Variants in CSMD1 observed in about 807,000 individuals in gnomAD.
The protein encoded by CSMD1 is CUB and Sushi multiple domains 1, also known as CUB and sushi domain-containing protein 1.
CSMD1 carries 213 observed loss-of-function variants against 417.5 expected under a neutral mutation model. The observed-to-expected ratio is 0.51, with a 90% CI of 0.46 to 0.57. The LOEUF is 0.57. CSMD1 is among the 20% of genes least tolerant of loss of function. The pLI is 0.00. For synonymous variants in CSMD1, 2,862 were observed against 1,736.8 expected, an observed-to-expected ratio of 1.65 and a Z score of -16.11; for missense variants, 6,923 against 4,529.7, an observed-to-expected ratio of 1.53 and a Z score of -15.17.
intron 5 of CSMD1, among the ~76,000 whole-genome samples, chr8:3,798,088 G>C (rs989246222): frequency 1.3e-5 from 2 of 151,866 alleles, no homozygotes; most frequent in Non-Finnish European, 2.9e-5. Flanking sequence ...GATGATTGAA[G>C]TCTTAGTGGG....
intron 3 of CSMD1, among the ~76,000 whole-genome samples, chr8:4,410,719 G>A (rs1253124820): frequency 1.3e-5 from 2 of 152,154 alleles, no homozygotes; most frequent in Non-Finnish European, 2.9e-5. Flanking sequence ...AGAGAAGTAT[G>A]TACAGAAGAT....
chr8:4,576,438 T>G (rs1053934284), intron 2 of CSMD1, among the ~76,000 whole-genome samples: 10 of 152,212 alleles, frequency 6.6e-5, no homozygotes, highest in East Asian at 5.8e-4. Flanking sequence ...CCTCTTACAG[T>G]TTTTCCTTAA....
chr8:4,501,197 C>T (rs138393967), intron 2 of CSMD1, among the ~76,000 whole-genome samples: 42 of 152,052 alleles, frequency 2.8e-4, no homozygotes, highest in African/African-American at 9.9e-4. Flanking sequence ...TATATATACA[C>T]ATATATATTA....
intron 3 of CSMD1, among the ~76,000 whole-genome samples, chr8:4,139,538 A>C (rs1270698348): frequency 6.6e-6 from 1 of 151,000 alleles, no homozygotes; most frequent in Non-Finnish European, 1.5e-5. Flanking sequence ...AGTGGCACTC[A>C]TCCTGCACGA....
At chr8:4,461,064 G>C (rs1799786428) in intron 2 of CSMD1, among the ~76,000 whole-genome samples, 1 of 150,592 alleles carries the variant, frequency 6.6e-6, no homozygotes, top group Non-Finnish European at 1.5e-5. Context: ...TATATACTGT[G>C]TCCAAGTGCT....
At chr8:4,942,895 G>C (rs1808107625) in intron 1 of CSMD1, among the ~76,000 whole-genome samples, 1 of 152,216 alleles carries the variant, frequency 6.6e-6, no homozygotes, top group Non-Finnish European at 1.5e-5. Context: ...TTTTTGGAAA[G>C]ATATAAACAT....
At chr8:4,374,922 G>A (rs1554450631) in intron 3 of CSMD1, among the ~76,000 whole-genome samples, 1 of 119,850 alleles carries the variant, frequency 8.3e-6, no homozygotes, top group Non-Finnish European at 1.6e-5. Context: ...TTTCTAATCA[G>A]AGTCTTAGAA....
At chr8:3,721,375 G>A (rs1293619712) in intron 6 of CSMD1, among the ~76,000 whole-genome samples, 5 of 152,070 alleles carry the variant, frequency 3.3e-5, no homozygotes, top group Middle Eastern at 3.2e-3. Context: ...AATCATCAAC[G>A]TCTCTAGCCC....
chr8:3,368,619 G>A (rs138526497), intron 19 of CSMD1, among the ~76,000 whole-genome samples: 197 of 152,248 alleles, frequency 1.3e-3, no homozygotes, highest in African/African-American at 4.5e-3. Flanking sequence ...GATTACAAGC[G>A]TGAGTCACTT....
intron 7 of CSMD1, among the ~76,000 whole-genome samples, chr8:3,704,581 A>C (rs188284043): frequency 6.6e-6 from 1 of 152,340 alleles, no homozygotes. Flanking sequence ...CAGCTGTCAA[A>C]GCAGCAACCC....
chr8:3,268,497 G>T (rs914927047), intron 26 of CSMD1, among the ~76,000 whole-genome samples: 2 of 151,746 alleles, frequency 1.3e-5, no homozygotes, highest in African/African-American at 4.8e-5. Context: ...CACCGTGTTA[G>T]CCAGGATGGT....
chr8:3,562,390 A>G (rs1326545975), intron 10 of CSMD1, among the ~76,000 whole-genome samples: 8 of 150,238 alleles, frequency 5.3e-5, no homozygotes, highest in Non-Finnish European at 7.4e-5. Context: ...ACACACACGT[A>G]CACACATGCA....
intron 25 of CSMD1, among the ~76,000 whole-genome samples, chr8:3,291,327 A>T (rs1268058968): frequency 6.8e-6 from 1 of 147,986 alleles, no homozygotes; most frequent in Non-Finnish European, 1.5e-5. Context: ...TTTCAGGGTG[A>T]TGCTGGCCCC....
At chr8:3,799,260 T>TTA (rs1554441576) in intron 5 of CSMD1, among the ~76,000 whole-genome samples, 147 of 152,050 alleles carry the variant, frequency 9.7e-4, no homozygotes, top group African/African-American at 3.5e-3. Context: ...AGCATTTTTT[T>TTA]TTATACTTTA....
chr8:4,254,912 C>T (rs550686411), intron 3 of CSMD1, among the ~76,000 whole-genome samples: 1 of 152,238 alleles, frequency 6.6e-6, no homozygotes, highest in South Asian at 2.1e-4. Flanking sequence ...AGGCATTTCT[C>T]AGAATACATT....
At chr8:3,561,967 T>C (rs1799485462) in intron 10 of CSMD1, among the ~76,000 whole-genome samples, 1 of 152,186 alleles carries the variant, frequency 6.6e-6, no homozygotes, top group Non-Finnish European at 1.5e-5. Context: ...CTGTGTGCAC[T>C]GCAGGGCTTG....
chr8:4,013,826 T>C (rs953183709), intron 4 of CSMD1, among the ~76,000 whole-genome samples: 38 of 152,180 alleles, frequency 2.5e-4, no homozygotes, highest in African/African-American at 7.5e-4. Context: ...GTGGTGTCTA[T>C]GGGGTCTTTT....
intron 2 of CSMD1, among the ~76,000 whole-genome samples, chr8:4,493,477 C>A (rs1037361049): frequency 1.1e-4 from 16 of 152,194 alleles, no homozygotes; most frequent in South Asian, 2.1e-4. Flanking sequence ...AAGAGGATTG[C>A]TTGAGTCCAG....
At chr8:3,494,554 T>TGATAGATAGATA (rs71199579) in intron 10 of CSMD1, among the ~76,000 whole-genome samples, 16 of 145,736 alleles carry the variant, frequency 1.1e-4, no homozygotes, top group East Asian at 4.1e-4. Context: ...ACAGATTAGA[T>TGATAGATAGATA]GATAGATAGA....
Sources: allele counts gnomAD v4.1 joint callset (sites outside exome capture counted in the v4.1 genomes callset), GRCh38; gene constraint gnomAD v4.1.1; transcripts MANE v1.5; gene names NCBI Gene and HGNC (gene_info 2026-07-23, HGNC 2026-07-21).